Variants in CTNND2 observed in about 807,000 individuals in gnomAD.
The protein encoded by CTNND2 is catenin delta-2.
A neutral mutation model predicts 144.4 loss-of-function variants in CTNND2; 22 were observed. The observed-to-expected ratio is 0.15, with a 90% CI of 0.11 to 0.22. The LOEUF is 0.22. CTNND2 is among the 10% of genes least tolerant of loss of function. CTNND2 has a pLI of 1.00. For synonymous variants in CTNND2, 751 were observed against 695.6 expected, an observed-to-expected ratio of 1.08 and a Z score of -1.25; for missense variants, 1,353 against 1,618.8, an observed-to-expected ratio of 0.84 and a Z score of 2.82.
chr5:11,382,608 TG>T (rs2149796028), intron 7 of CTNND2, among the ~76,000 whole-genome samples: 1 of 143,326 alleles, frequency 7.0e-6, no homozygotes, highest in South Asian at 2.2e-4. Flanking sequence ...TGTGTGTGTG[TG>T]TGTGTGTGTG....
intron 2 of CTNND2, among the ~76,000 whole-genome samples, chr5:11,571,961 T>C (rs1201417996): frequency 6.6e-6 from 1 of 152,210 alleles, no homozygotes; most frequent in Non-Finnish European, 1.5e-5. Context: ...TCAAACTTGA[T>C]GAAATATGGT....
intron 1 of CTNND2, among the ~76,000 whole-genome samples, chr5:11,884,816 T>C (rs1213998471): frequency 6.6e-6 from 1 of 152,224 alleles, no homozygotes; most frequent in Non-Finnish European, 1.5e-5. Context: ...CTGCCTTTAT[T>C]GTTTTGAGGC....
intron 11 of CTNND2, among the ~76,000 whole-genome samples, chr5:11,176,484 G>A (rs1310524715): frequency 6.6e-6 from 1 of 152,108 alleles, no homozygotes; most frequent in Non-Finnish European, 1.5e-5. Context: ...GTCTAAGGAT[G>A]CAAAGCTCTA....
intron 10 of CTNND2, among the ~76,000 whole-genome samples, chr5:11,212,781 G>T (rs1262047670): frequency 6.6e-6 from 1 of 152,184 alleles, no homozygotes; most frequent in African/African-American, 2.4e-5. Context: ...CTCGGTAAGG[G>T]CCTGGGCCTG....
At chr5:11,128,825 T>A (rs1261974039) in intron 12 of CTNND2, among the ~76,000 whole-genome samples, 2 of 63,346 alleles carry the variant, frequency 3.2e-5, no homozygotes, top group Non-Finnish European at 6.2e-5. Context: ...TAATATATAT[T>A]ATATATTATA....
chr5:11,128,231 C>T (rs1365683621), intron 12 of CTNND2, among the ~76,000 whole-genome samples: 1 of 151,870 alleles, frequency 6.6e-6, no homozygotes, highest in Admixed American at 6.6e-5. Context: ...ATGGGGTAGC[C>T]ACAGGCAAAG....
At chr5:11,653,660 T>A (rs1190133050) in intron 2 of CTNND2, among the ~76,000 whole-genome samples, 1 of 152,098 alleles carries the variant, frequency 6.6e-6, no homozygotes, top group Non-Finnish European at 1.5e-5. Flanking sequence ...AGATACATGG[T>A]GTGCAATTAT....
chr5:11,881,668 A>C (rs922462691), intron 1 of CTNND2, among the ~76,000 whole-genome samples: 3 of 152,014 alleles, frequency 2.0e-5, no homozygotes, highest in Non-Finnish European at 4.4e-5. Flanking sequence ...CTGATATCAT[A>C]TATTGTTTAT....
At chr5:11,345,774 G>GA (rs1384636335) in intron 9 of CTNND2, among the ~76,000 whole-genome samples, 1 of 144,474 alleles carries the variant, frequency 6.9e-6, no homozygotes, top group African/African-American at 2.6e-5. Context: ...ATGGAAAAAA[G>GA]AAAGAAAGAA....
intron 1 of CTNND2, among the ~76,000 whole-genome samples, chr5:11,878,118 C>A (rs1358428987): frequency 6.6e-6 from 1 of 152,016 alleles, no homozygotes; most frequent in Non-Finnish European, 1.5e-5. Flanking sequence ...CACAAAGGAA[C>A]AGAAATTGTA....
In CTNND2 at chr5:11,311,363, G is replaced by A. The variant is rs1401058744; in HGVS notation, c.1628+35009C>T. On this transcript the variant is annotated intron_variant, in intron 9 of 21. Coordinates refer to ENST00000304623, the MANE Select transcript of CTNND2 (RefSeq NM_001332.4). The stretch of plus-strand genomic sequence containing the variant: ...CTCCCCATACACCCTCAACCCACAT[G>A]TACATATACTCTAACATTCTCTCCA... Among the ~76,000 whole-genome samples, 4 of 113,152 alleles carry A rather than the reference G, an allele frequency of 3.5e-5. 1 individual carries two copies. The Admixed American group carries it at 3.8e-4, about 11-fold the overall frequency. The allele number at this position is 113,152 out of a possible 152,430, so 74.2% of individuals were successfully genotyped here.
At chr5:11,007,283 T>C (rs1311928006) in intron 18 of CTNND2, among the ~76,000 whole-genome samples, 2 of 152,214 alleles carry the variant, frequency 1.3e-5, no homozygotes, top group Non-Finnish European at 2.9e-5. Flanking sequence ...TAGACTGGCA[T>C]AGAGAAAAAC....
intron 8 of CTNND2, among the ~76,000 whole-genome samples, chr5:11,348,501 A>ATTTTT (rs1373629424): frequency 6.6e-6 from 1 of 151,428 alleles, no homozygotes; most frequent in Non-Finnish European, 1.5e-5. Context: ...ATAGATGTGC[A>ATTTTT]TTTTTTTCCA....
intron 16 of CTNND2, among the ~76,000 whole-genome samples, chr5:11,076,179 G>C (rs1748929574): frequency 6.6e-6 from 1 of 152,194 alleles, no homozygotes; most frequent in South Asian, 2.1e-4. Flanking sequence ...CAAGTGAGAA[G>C]GTTTCTTATC....
Position 11,664,319 on chromosome 5 carries a change from G to T in CTNND2, c.174+67817C>A, listed in dbSNP as rs184776906. ...TTAAAAATTAAAATACAAGCTGGGT[G>T]CGGTGGCTCACTCCTGTAATCCCAA... On this transcript the variant is annotated intron_variant, in intron 2 of 21. Transcript: ENST00000304623. 1.2e-4 allele frequency among the ~76,000 whole-genome samples: 18 copies of T among 152,282 alleles called. No homozygotes were observed. In the East Asian group the frequency reaches 3.3e-3, roughly 28 times the overall value.
chr5:11,322,992 T>G (rs1447869056), intron 9 of CTNND2, among the ~76,000 whole-genome samples: 1 of 152,172 alleles, frequency 6.6e-6, no homozygotes, highest in Non-Finnish European at 1.5e-5. Flanking sequence ...GTCTGTGACA[T>G]GGCTTATTTC....
intron 9 of CTNND2, among the ~76,000 whole-genome samples, chr5:11,276,340 T>C (rs930912623): frequency 6.6e-5 from 10 of 152,186 alleles, no homozygotes; most frequent in Admixed American, 1.3e-4. Flanking sequence ...GAGCACTGTG[T>C]CTGGGGCATC....
chr5:11,499,726 G>GT (rs1036272456), intron 3 of CTNND2, among the ~76,000 whole-genome samples: 3 of 151,734 alleles, frequency 2.0e-5, no homozygotes, highest in Admixed American at 6.6e-5. Context: ...TTGTCTCAAA[G>GT]TTTTTTTTAC....
At position 11,876,848 on chromosome 5, in the gene CTNND2, G is replaced by A. The variant is rs190141091; in HGVS notation, c.37+26969C>T. Among the ~76,000 whole-genome samples the A allele has an allele frequency of 3.2e-3, 489 of 152,246 alleles. 10 individuals carry two copies. The East Asian group carries it at 0.032, about 10-fold the overall frequency. ...TAAATTATTATTATAAATCAAACAT[G>A]AAAGAAATAAGCCACATTTAACATC... is the stretch of plus-strand genomic sequence containing the variant. On this transcript the variant is annotated intron_variant, in intron 1 of 21. Coordinates refer to ENST00000304623, the MANE Select transcript of CTNND2 (RefSeq NM_001332.4).
Sources: gnomAD v4.1 joint callset for allele counts (sites outside exome capture counted in the v4.1 genomes callset) on GRCh38, gnomAD v4.1.1 for gene constraint, MANE v1.5 for transcripts, NCBI Gene and HGNC (gene_info 2026-07-23, HGNC 2026-07-21) for gene names.